LRRC20: variants seen among roughly 807,000 people sequenced by gnomAD.
The protein encoded by LRRC20 is leucine rich repeat containing 20, also known as leucine-rich repeat-containing protein 20.
In LRRC20, 11 loss-of-function variants were observed where a neutral mutation model predicts 14.4. That is an observed-to-expected ratio of 0.77 (90% confidence interval 0.48 to 1.27). The LOEUF is 1.27. LRRC20 is among the 50% of genes most tolerant of loss of function. The pLI, the probability that LRRC20 is intolerant of heterozygous loss-of-function variation, is 0.00. For missense variants in LRRC20, 219 were observed against 251.2 expected (o/e 0.87, Z 0.87); for synonymous variants, 121 against 107.3 (o/e 1.13, Z -0.79).
chr10:70,317,552 A>G (rs7100004), intron 4 of LRRC20, among the ~76,000 whole-genome samples: 3 of 151,878 alleles, frequency 2.0e-5, no homozygotes, highest in African/African-American at 4.8e-5. Flanking sequence ...TTTTTTAAAA[A>G]TTTTTTGTAG....
intron 2 of LRRC20, among the ~76,000 whole-genome samples, chr10:70,367,973 T>TTATGTTATGG: frequency 7.2e-6 from 1 of 139,374 alleles, no homozygotes; most frequent in Non-Finnish European, 1.5e-5. Context: ...TTATGTTATG[T>TTATGTTATGG]TATGTTATGT....
At chr10:70,306,102 GTCTCTCTCTCTC>G (rs55733521) in intron 4 of LRRC20, among the ~76,000 whole-genome samples, 6 of 144,518 alleles carry the variant, frequency 4.2e-5, no homozygotes, top group Admixed American at 6.9e-5. Flanking sequence ...TGCATTTTCT[GTCTCTCTCTCTC>G]TCTCTCTCTC....
At chr10:70,309,363 T>A (rs574689318) in intron 4 of LRRC20, among the ~76,000 whole-genome samples, 1 of 152,308 alleles carries the variant, frequency 6.6e-6, no homozygotes, top group African/African-American at 2.4e-5. Context: ...AACTTGATTC[T>A]CAGTTTCTTG....
At chr10:70,363,086 G>C (rs1223283956) in intron 2 of LRRC20, among the ~76,000 whole-genome samples, 1 of 146,286 alleles carries the variant, frequency 6.8e-6, no homozygotes, top group Non-Finnish European at 1.5e-5. Flanking sequence ...GTCTGGGCAA[G>C]ATGGTGAGAC....
At chr10:70,372,737 C>T (rs567255327) in intron 2 of LRRC20, among the ~76,000 whole-genome samples, 18 of 152,022 alleles carry the variant, frequency 1.2e-4, no homozygotes, top group African/African-American at 3.6e-4. Flanking sequence ...CCACTGCGCC[C>T]GGCCGAGAAT....
intron 2 of LRRC20, among the ~76,000 whole-genome samples, chr10:70,373,999 C>T (rs1215690830): frequency 1.3e-5 from 2 of 152,210 alleles, no homozygotes; most frequent in African/African-American, 4.8e-5. Flanking sequence ...CCCACCTGTC[C>T]ACTGGCCCAC....
intron 4 of LRRC20, among the ~76,000 whole-genome samples, chr10:70,318,524 C>A (rs1311621773): frequency 6.6e-6 from 1 of 152,124 alleles, no homozygotes; most frequent in East Asian, 1.9e-4. Flanking sequence ...GAGGCCGAGG[C>A]GGGCAGATCG....
chr10:70,318,177 G>C (rs1466699507), intron 4 of LRRC20, among the ~76,000 whole-genome samples: 1 of 152,164 alleles, frequency 6.6e-6, no homozygotes, highest in Non-Finnish European at 1.5e-5. Flanking sequence ...GAGAGCCCAG[G>C]CAGAGCTTCT....
intron 2 of LRRC20, among the ~76,000 whole-genome samples, chr10:70,366,723 G>C (rs1304836842): frequency 2.0e-5 from 3 of 151,956 alleles, no homozygotes; most frequent in Non-Finnish European, 2.9e-5. Flanking sequence ...TGTGGGTTTT[G>C]TACCCACAAA....
Position 70,373,683 on chromosome 10 carries a change from G to T in LRRC20, c.82+2769C>A, listed in dbSNP as rs528187899. Among the ~76,000 whole-genome samples the T allele has an allele frequency of 2.0e-5, 3 of 152,296 alleles. No homozygotes were observed. In the East Asian group the frequency reaches 5.8e-4, roughly 29 times the overall value. ...AAAGTCTTGAGCTTCAGGCAAGATC[G>T]CCATGGCTAAAGGCTCTCCCAACTT... On this transcript the variant is annotated intron_variant, in intron 2 of 4. Coordinates refer to ENST00000446961, the MANE Select transcript of LRRC20 (RefSeq NM_001278212.2).
intron 2 of LRRC20, among the ~76,000 whole-genome samples, chr10:70,370,742 CA>C (rs572564387): frequency 6.6e-6 from 1 of 151,372 alleles, no homozygotes; most frequent in Non-Finnish European, 1.5e-5. Context: ...GACTCCATTT[CA>C]AAAAAAAGAA....
intron 4 of LRRC20, among the ~76,000 whole-genome samples, 191 bp downstream of exon 4, chr10:70,323,672 G>A (rs1842188091): frequency 1.3e-5 from 2 of 152,198 alleles, no homozygotes; most frequent in Non-Finnish European, 2.9e-5. Flanking sequence ...GAAAGCAAGT[G>A]TCCCACCCAG....
At chr10:70,361,801 C>A (rs190771822) in intron 2 of LRRC20, among the ~76,000 whole-genome samples, 38 of 152,170 alleles carry the variant, frequency 2.5e-4, no homozygotes, top group African/African-American at 8.9e-4. Flanking sequence ...GTGACAAAAC[C>A]AGGAATCTCG....
intron 3 of LRRC20, among the ~76,000 whole-genome samples, chr10:70,335,445 G>A (rs1842698965): frequency 6.6e-6 from 1 of 152,190 alleles, no homozygotes; most frequent in Non-Finnish European, 1.5e-5. Flanking sequence ...CCCCTGCCCT[G>A]CAGCAGCCCC....
chr10:70,303,471 A>G (rs1841292455), intron 4 of LRRC20, among the ~76,000 whole-genome samples: 1 of 152,172 alleles, frequency 6.6e-6, no homozygotes, highest in African/African-American at 2.4e-5. Context: ...TCACTTAGAG[A>G]TGGAATGTCC....
At chr10:70,320,773 AG>A (rs1842048471) in intron 4 of LRRC20, among the ~76,000 whole-genome samples, 1 of 152,234 alleles carries the variant, frequency 6.6e-6, no homozygotes, top group Non-Finnish European at 1.5e-5. Flanking sequence ...GTGAGCACCA[AG>A]GTCAGGTACC....
At chr10:70,320,447 T>C (rs1242355416) in intron 4 of LRRC20, among the ~76,000 whole-genome samples, 2 of 152,202 alleles carry the variant, frequency 1.3e-5, no homozygotes, top group African/African-American at 4.8e-5. Context: ...TTTTACTGCA[T>C]TAAAAAATTG....
intron 2 of LRRC20, among the ~76,000 whole-genome samples, chr10:70,364,441 C>T (rs1376762033): frequency 3.9e-5 from 6 of 152,260 alleles, no homozygotes; most frequent in Admixed American, 3.9e-4. Context: ...AAAGAGGAGC[C>T]AGTGGCAATT....
intron 3 of LRRC20, among the ~76,000 whole-genome samples, chr10:70,326,332 A>ACACACACG (rs1392180672): frequency 2.7e-5 from 4 of 148,988 alleles, no homozygotes; most frequent in Non-Finnish European, 6.0e-5. Context: ...ACACACACAC[A>ACACACACG]CGCACGCGCC....
Sources: gnomAD v4.1 joint callset for allele counts (sites outside exome capture counted in the v4.1 genomes callset) on GRCh38, gnomAD v4.1.1 for gene constraint, MANE v1.5 for transcripts, NCBI Gene and HGNC (gene_info 2026-07-23, HGNC 2026-07-21) for gene names.